Variants in SLC13A3 observed in about 807,000 individuals in gnomAD.
SLC13A3 encodes the protein solute carrier family 13 member 3, also known as Na(+)/dicarboxylate cotransporter 3.
Under a neutral mutation model 59.0 loss-of-function variants are expected in SLC13A3, and 40 were observed. That is an observed-to-expected ratio of 0.68 (90% CI 0.53 to 0.88). The LOEUF (loss-of-function observed/expected upper bound fraction) is 0.88. SLC13A3 is among the 40% of genes least tolerant of loss of function. SLC13A3 has a pLI of 0.00. For missense variants in SLC13A3, 699 were observed against 783.2 expected (o/e 0.89, Z 1.28); for synonymous variants, 317 against 330.3 (o/e 0.96, Z 0.44).
At chr20:46,615,546 C>T (rs1203746229) in intron 1 of SLC13A3, among the ~76,000 whole-genome samples, 1 of 152,108 alleles carries the variant, frequency 6.6e-6, no homozygotes, top group African/African-American at 2.4e-5. Context: ...GTTGAATTCT[C>T]GATCAATTTC....
chr20:46,658,974 C>A (rs1198828751), intron 1 of SLC13A3, among the ~76,000 whole-genome samples: 2 of 152,168 alleles, frequency 1.3e-5, no homozygotes, highest in African/African-American at 4.8e-5. Context: ...TAAATAGCCA[C>A]AATAGTTTTC....
chr20:46,604,670 G>A (rs1269748510), intron 3 of SLC13A3, among the ~76,000 whole-genome samples: 3 of 152,194 alleles, frequency 2.0e-5, no homozygotes, highest in African/African-American at 7.2e-5. Context: ...CCTGGAGCTG[G>A]CCCTGTTGAC....
intron 3 of SLC13A3, among the ~76,000 whole-genome samples, chr20:46,600,331 G>A: frequency 7.0e-6 from 1 of 142,370 alleles, no homozygotes; most frequent in Admixed American, 7.6e-5. Flanking sequence ...AGGAAAGGAA[G>A]GAAGGAAGGA....
chr20:46,623,372 C>T (rs1053371372), intron 1 of SLC13A3, among the ~76,000 whole-genome samples: 1 of 151,930 alleles, frequency 6.6e-6, no homozygotes, highest in African/African-American at 2.4e-5. Context: ...TCATGTAATG[C>T]CCCTAACAAT....
intron 1 of SLC13A3, among the ~76,000 whole-genome samples, chr20:46,620,998 A>G (rs1288656717): frequency 6.6e-6 from 1 of 152,262 alleles, no homozygotes; most frequent in Admixed American, 6.5e-5. Flanking sequence ...GGCAATGGCC[A>G]TCAAGAGTTG....
upstream of SLC13A3, among the ~76,000 whole-genome samples, chr20:46,651,870 G>T (rs2062954663): frequency 6.6e-6 from 1 of 152,210 alleles, no homozygotes; most frequent in Non-Finnish European, 1.5e-5. Context: ...GTGGAGTGGT[G>T]ATAATAATAG....
rs143805371 is a variant in SLC13A3, at chr20:46,639,558, C to T, written c.111+11753G>A. Among the ~76,000 whole-genome samples, 343 of 152,296 alleles carry T rather than the reference C, an allele frequency of 2.3e-3. 1 individual carries two copies. The highest frequency in any genetic ancestry group is 7.8e-3 in the African/African-American group (324 of 41,578). ...CACTGCCTGATCACTTGTGTTAGTTCTTGTCTCCATAAACTCCAATCTTCA... is the reference window on the plus strand; with the variant it reads ...CACTGCCTGATCACTTGTGTTAGTTTTTGTCTCCATAAACTCCAATCTTCA... On this transcript the variant is annotated intron_variant, in intron 1 of 12. Coordinates refer to ENST00000279027, the MANE Select transcript of SLC13A3 (RefSeq NM_022829.6).
At chr20:46,642,729 G>A (rs537532645) in intron 1 of SLC13A3, among the ~76,000 whole-genome samples, 2 of 152,156 alleles carry the variant, frequency 1.3e-5, no homozygotes, top group Non-Finnish European at 2.9e-5. Context: ...AGAGCTTTAC[G>A]GTGAGTCACA....
intron 1 of SLC13A3, among the ~76,000 whole-genome samples, chr20:46,661,277 C>T (rs1468626434): frequency 2.0e-5 from 3 of 152,134 alleles, no homozygotes; most frequent in East Asian, 1.9e-4. Flanking sequence ...CCTGTAAAAC[C>T]GATAGAGTAT....
intron 10 of SLC13A3, among the ~76,000 whole-genome samples, chr20:46,572,421 C>T (rs1414980479): frequency 1.3e-5 from 2 of 152,180 alleles, no homozygotes; most frequent in Admixed American, 6.5e-5. Flanking sequence ...GGGCTCAGAG[C>T]CAGGGTGGCC....
intron 6 of SLC13A3, among the ~76,000 whole-genome samples, chr20:46,591,196 A>G (rs1169672635): frequency 8.8e-6 from 1 of 113,270 alleles, no homozygotes; most frequent in Non-Finnish European, 1.9e-5. Context: ...AAATAAATAA[A>G]CAAACAAACA....
At chr20:46,585,570 A>T in intron 8 of SLC13A3, 1 of 1,095,718 alleles carries the variant, frequency 9.1e-7, no homozygotes, top group South Asian at 2.2e-5. Flanking sequence ...GTATAGTTTA[A>T]CAAGTCTTGA....
upstream of SLC13A3, among the ~76,000 whole-genome samples, chr20:46,655,308 C>A (rs1017858058): frequency 1.3e-5 from 2 of 150,038 alleles, no homozygotes; most frequent in South Asian, 4.2e-4. Flanking sequence ...TATATACACA[C>A]ACATATATAC....
chr20:46,651,784 C>T (rs1219984675), upstream of SLC13A3, among the ~76,000 whole-genome samples: 2 of 152,234 alleles, frequency 1.3e-5, no homozygotes, highest in African/African-American at 4.8e-5. Flanking sequence ...GCGCGTACTC[C>T]TATTACCCGG....
upstream of SLC13A3, among the ~76,000 whole-genome samples, chr20:46,672,426 C>A (rs1344070090): frequency 1.3e-5 from 2 of 152,220 alleles, no homozygotes; most frequent in African/African-American, 4.8e-5. Flanking sequence ...TGAATTCAAA[C>A]CTGTGCCAGG....
upstream of SLC13A3, among the ~76,000 whole-genome samples, chr20:46,672,454 G>A (rs1026022725): frequency 3.3e-5 from 5 of 152,158 alleles, no homozygotes; most frequent in African/African-American, 1.2e-4. Flanking sequence ...CTGAACACTG[G>A]GGATCTGACA....
rs766028870 is a variant in SLC13A3, at chr20:46,613,614, T to C, written c.223A>G (p.Ile75Val). 1.9e-6 allele frequency: 3 copies of C among 1,612,992 alleles called. No homozygotes were observed. The South Asian group carries it at 3.3e-5, about 18-fold the overall frequency. The stretch of plus-strand genomic sequence containing the variant: ...GGGCAGACCTTGTTGGAGGGCAAGA[T>C]GCCCATGAAGGGGAAGAGGACGATG... ...LPIVLFPFMG[I>V]LPSNKVCPQY... is the part of the protein sequence containing the mutation. Residue 75 changes from isoleucine to valine, a missense_variant, in exon 2 of 13, where the codon ATC (isoleucine) becomes GTC (valine). By Grantham distance (29) the Ile-to-Val change is conservative. Transcript: ENST00000279027.
At chr20:46,600,520 C>T (rs550883490) in intron 3 of SLC13A3, 1 of 368,108 alleles carries the variant, frequency 2.7e-6, no homozygotes, top group South Asian at 2.1e-5. Flanking sequence ...TGAAGATGTG[C>T]CCAGGCCTGT....
intron 1 of SLC13A3, among the ~76,000 whole-genome samples, chr20:46,669,784 T>A (rs2063081118): frequency 6.6e-6 from 1 of 152,224 alleles, no homozygotes; most frequent in African/African-American, 2.4e-5. Context: ...GCTAAGACCA[T>A]TATACAGACA....
Sources: allele counts gnomAD v4.1 joint callset (sites outside exome capture counted in the v4.1 genomes callset), GRCh38; gene constraint gnomAD v4.1.1; transcripts MANE v1.5; gene names NCBI Gene and HGNC (gene_info 2026-07-23, HGNC 2026-07-21).